Variants in AKT3 observed in about 807,000 individuals in gnomAD.
AKT3 encodes AKT serine/threonine kinase 3, also known as RAC-gamma serine/threonine-protein kinase.
Under a neutral mutation model 65.3 loss-of-function variants are expected in AKT3, and 15 were observed. The ratio of observed to expected loss-of-function variants is 0.23; its 90% confidence interval spans 0.15 to 0.35. AKT3 has a LOEUF of 0.35. AKT3 is among the 10% of genes least tolerant of loss of function. The probability of loss-of-function intolerance (pLI) is 1.00; values close to 1 mark genes in which losing one functional copy is unlikely to be tolerated. For missense variants in AKT3, 243 were observed against 576.5 expected (o/e 0.42, Z 5.92); for synonymous variants, 206 against 183.8 (o/e 1.12, Z -0.98).
chr1:243,502,490 G>C lies in AKT3; in HGVS notation c.*2759C>G, dbSNP rs1574493276. The C allele has an allele frequency of 4.3e-6, 1 of 233,238 alleles. No individual in the cohort carries two copies. Among genetic ancestry groups the C allele is most frequent in the South Asian group, 1.8e-4 (1 of 5,516 alleles). 14.4% of individuals were successfully genotyped at this position (233,238 alleles called of 1,614,324 possible). A position where few individuals can be genotyped will look rare whatever the true frequency, so the allele number is the denominator to read the frequency against. On this transcript the variant is annotated 3_prime_UTR_variant, in exon 14 of 14. Transcript: ENST00000673466. ...GTCAAGCTTCATGACAGTTAGTATG[G>C]GCTGGAGTCTGCAAAGTCTGAACTG...
intron 2 of AKT3, among the ~76,000 whole-genome samples, chr1:243,729,814 C>T (rs181207809): frequency 6.6e-6 from 1 of 152,094 alleles, no homozygotes; most frequent in South Asian, 2.1e-4. Flanking sequence ...TTACAGTGTT[C>T]TTCTTTATGT....
intron 8 of AKT3, among the ~76,000 whole-genome samples, chr1:243,579,989 G>A (rs1675213177): frequency 6.6e-6 from 1 of 152,112 alleles, no homozygotes; most frequent in African/African-American, 2.4e-5. Flanking sequence ...CTAGTCTCAA[G>A]ATGAAGAAGA....
At chr1:243,841,181 T>G (rs1162902810) in intron 2 of AKT3, among the ~76,000 whole-genome samples, 1 of 39,610 alleles carries the variant, frequency 2.5e-5, no homozygotes, top group Non-Finnish European at 1.4e-4. Flanking sequence ...TTCTTATTCA[T>G]TTTTTTTTCT....
intron 11 of AKT3, chr1:243,547,895 ACT>A (rs1399567819): frequency 6.6e-6 from 1 of 152,166 alleles, no homozygotes; most frequent in Non-Finnish European, 1.5e-5. Flanking sequence ...CAGAGATGGC[ACT>A]TTTAGGTTTG....
intron 8 of AKT3, 38 bp downstream of exon 8, chr1:243,613,633 T>C (rs1678065053): frequency 6.3e-6 from 9 of 1,435,948 alleles, no homozygotes; most frequent in Non-Finnish European, 7.6e-6. Context: ...ATAATGAAAA[T>C]ACTACCATGC....
intron 12 of AKT3, among the ~76,000 whole-genome samples, chr1:243,537,464 C>T (rs1672011816): frequency 6.6e-6 from 1 of 152,154 alleles, no homozygotes; most frequent in Admixed American, 6.5e-5. Context: ...CCAGTATTAT[C>T]AGACTAAAAT....
At chr1:243,561,835 A>G (rs1673805779) in intron 10 of AKT3, among the ~76,000 whole-genome samples, 1 of 152,110 alleles carries the variant, frequency 6.6e-6, no homozygotes, top group East Asian at 1.9e-4. Flanking sequence ...TCTGTGAAAG[A>G]TGTTATTTTT....
intron 12 of AKT3, among the ~76,000 whole-genome samples, chr1:243,518,620 G>A (rs566760306): frequency 2.1e-4 from 32 of 152,014 alleles, no homozygotes; most frequent in South Asian, 1.0e-3. Context: ...GCAAGACCTC[G>A]TCAAACAACA....
intron 6 of AKT3, among the ~76,000 whole-genome samples, chr1:243,633,656 G>A (rs906106151): frequency 6.6e-5 from 10 of 151,916 alleles, no homozygotes; most frequent in African/African-American, 2.4e-4. Flanking sequence ...GAAATGACAA[G>A]AGAATTAAAA....
chr1:243,701,277 G>C lies in AKT3; in HGVS notation c.47-5561C>G, dbSNP rs190662505. On this transcript the variant is annotated intron_variant, in intron 2 of 13. Transcript: ENST00000673466. ...GGAAAAGATCTTCAGAAATAATTCA[G>C]CCTTGTGACCTCACAAATAGATCAT... 1.1e-3 allele frequency among the ~76,000 whole-genome samples: 166 copies of C among 152,242 alleles called. 1 individual carries two copies. Among genetic ancestry groups the C allele is most frequent in the African/African-American group, 3.9e-3 (161 of 41,542 alleles).
intron 12 of AKT3, among the ~76,000 whole-genome samples, chr1:243,521,857 T>C (rs1670736881): frequency 6.6e-6 from 1 of 152,352 alleles, no homozygotes; most frequent in South Asian, 2.1e-4. Flanking sequence ...CCCCAGAAAC[T>C]GGAACTTGTA....
At chr1:243,699,393 G>A (rs1685276851) in intron 2 of AKT3, among the ~76,000 whole-genome samples, 1 of 147,088 alleles carries the variant, frequency 6.8e-6, no homozygotes, top group South Asian at 2.1e-4. Context: ...AATAGTAAAT[G>A]TATCGTCAAG....
intron 12 of AKT3, among the ~76,000 whole-genome samples, chr1:243,525,304 G>A (rs925259447): frequency 2.0e-5 from 3 of 151,914 alleles, no homozygotes; most frequent in African/African-American, 4.8e-5. Context: ...CAACCTAACC[G>A]AATTCAGAGG....
chr1:243,850,763 A>G (rs1396850871), upstream of AKT3, among the ~76,000 whole-genome samples: 1 of 140,812 alleles, frequency 7.1e-6, no homozygotes, highest in Non-Finnish European at 1.6e-5. Context: ...CCCCCAAACC[A>G]GCGGTGCCCC....
intron 2 of AKT3, among the ~76,000 whole-genome samples, chr1:243,712,368 T>C (rs1450397930): frequency 6.6e-6 from 1 of 152,184 alleles, no homozygotes; most frequent in Non-Finnish European, 1.5e-5. Context: ...AAATAACAGA[T>C]AACCTTCCTT....
intron 2 of AKT3, among the ~76,000 whole-genome samples, chr1:243,751,930 T>C (rs530778603): frequency 6.6e-6 from 1 of 152,266 alleles, no homozygotes; most frequent in South Asian, 2.1e-4. Flanking sequence ...TAATCTGCTA[T>C]TCACATTTAT....
intron 10 of AKT3, among the ~76,000 whole-genome samples, chr1:243,556,938 T>C (rs932870925): frequency 2.0e-5 from 3 of 152,170 alleles, no homozygotes; most frequent in Non-Finnish European, 2.9e-5. Context: ...ATATATTTTA[T>C]AACTATTTCT....
chr1:243,490,671 G>A (rs1480034841), intron 13 of AKT3, among the ~76,000 whole-genome samples: 2 of 152,244 alleles, frequency 1.3e-5, no homozygotes, highest in African/African-American at 4.8e-5. Flanking sequence ...TGCCCCACGG[G>A]CCCTTGGGCA....
chr1:243,631,313 A>G (rs1355628374), intron 6 of AKT3, among the ~76,000 whole-genome samples: 1 of 151,910 alleles, frequency 6.6e-6, no homozygotes, highest in East Asian at 1.9e-4. Context: ...GGGTGTGGCA[A>G]TTTCTTTCTT....
Sources: allele counts gnomAD v4.1 joint callset (sites outside exome capture counted in the v4.1 genomes callset), GRCh38; gene constraint gnomAD v4.1.1; transcripts MANE v1.5; gene names NCBI Gene and HGNC (gene_info 2026-07-23, HGNC 2026-07-21).